CDC123: variants seen among roughly 807,000 people sequenced by gnomAD.
CDC123 encodes the protein cell division cycle 123, also known as translation initiation factor eIF2 assembly protein.
In CDC123, 37 loss-of-function variants were observed where a neutral mutation model predicts 54.4. The ratio of observed to expected loss-of-function variants is 0.68; its 90% CI spans 0.52 to 0.89. CDC123 has a LOEUF of 0.89. Among genes scored for constraint, CDC123 ranks in the 40% least tolerant of loss-of-function variants. The probability of loss-of-function intolerance (pLI) is 0.00; values close to 1 mark genes in which losing one functional copy is unlikely to be tolerated. For missense variants in CDC123, 361 were observed against 412.1 expected, an observed-to-expected ratio of 0.88 and a Z score of 1.07; for synonymous variants, 144 against 136.8, an observed-to-expected ratio of 1.05 and a Z score of -0.37.
At chr10:12,222,155 C>T (rs1314753450) in intron 6 of CDC123, among the ~76,000 whole-genome samples, 1 of 152,234 alleles carries the variant, frequency 6.6e-6, no homozygotes, top group Non-Finnish European at 1.5e-5. Flanking sequence ...CAAATGCTCC[C>T]AGCATCTGAA....
intron 7 of CDC123, among the ~76,000 whole-genome samples, chr10:12,231,625 CAAAAAAAA>C (rs368800002): frequency 1.3e-5 from 1 of 77,288 alleles, no homozygotes; most frequent in African/African-American, 4.9e-5. Context: ...AACTCCGTCT[CAAAAAAAA>C]AAAAAAAAAA....
chr10:12,250,005 A>G (rs1313113884), intron 12 of CDC123: 2 of 488,894 alleles, frequency 4.1e-6, no homozygotes, highest in African/African-American at 2.0e-5. Flanking sequence ...AGAAGGCTGT[A>G]AGGAGAGCAG....
rs1333005097 is a variant in CDC123, at chr10:12,249,567, T to C, written c.847-14T>C. Reference sequence around the variant, plus strand: ...AATGATTGATATTCTTTCTCCTTTTTCTTCTTTGTACAGGATTCCCCAGCT... The same window carrying C: ...AATGATTGATATTCTTTCTCCTTTTCCTTCTTTGTACAGGATTCCCCAGCT... On this transcript the variant is annotated splice_polypyrimidine_tract_variant and intron_variant, in intron 11 of 12. Transcript: ENST00000281141. 1 of 1,602,010 alleles carries C rather than the reference T, an allele frequency of 6.2e-7. No homozygotes were observed. Among genetic ancestry groups the C allele is most frequent in the South Asian group, 1.1e-5 (1 of 88,548 alleles).
intron 4 of CDC123, among the ~76,000 whole-genome samples, chr10:12,213,105 TTTGA>T (rs1319632666): frequency 6.6e-6 from 1 of 152,208 alleles, no homozygotes; most frequent in African/African-American, 2.4e-5. Flanking sequence ...TGTAATAATA[TTTGA>T]TTGAATAGAT....
Position 12,246,155 on chromosome 10 carries a change from G to A in CDC123, c.724G>A (p.Val242Met). Residue 242 changes from valine (V) to methionine (M), a missense_variant, in exon 11 of 13, where the codon GTG becomes ATG. By Grantham distance (21) the Val-to-Met change is conservative. Coordinates refer to ENST00000281141, the MANE Select transcript of CDC123 (RefSeq NM_006023.3). ...FDIYRDSRGK[V>M]WLIDFNPFGE... ...TTCTCTCTCTGTGCTACAGGGGAAG[G>A]TGTGGCTCATTGACTTTAATCCATT... The A allele has an allele frequency of 6.2e-7, 1 of 1,613,944 alleles. No individual in the cohort carries two copies. The highest frequency in any genetic ancestry group is 8.5e-7 in the Non-Finnish European group (1 of 1,179,878).
chr10:12,208,778 T>C (rs530430064), intron 2 of CDC123, among the ~76,000 whole-genome samples: 2 of 152,282 alleles, frequency 1.3e-5, no homozygotes, highest in Admixed American at 1.3e-4. Context: ...GTCTTTTTGC[T>C]TTCTTCTGCT....
chr10:12,222,909 TGAGAC>T (rs1835755898), intron 6 of CDC123, among the ~76,000 whole-genome samples: 1 of 145,840 alleles, frequency 6.9e-6, no homozygotes. Flanking sequence ...TTTTTTTTTT[TGAGAC>T]GGAGTCTCGC....
chr10:12,206,114 T>C (rs1835515952), intron 2 of CDC123, among the ~76,000 whole-genome samples: 1 of 152,232 alleles, frequency 6.6e-6, no homozygotes, highest in African/African-American at 2.4e-5. Flanking sequence ...TTGCATATTT[T>C]TATACATTGT....
At chr10:12,205,714 C>T in intron 2 of CDC123, among the ~76,000 whole-genome samples, 1 of 152,162 alleles carries the variant, frequency 6.6e-6, no homozygotes. Context: ...GAAAATATAG[C>T]ATCCTAAATA....
At chr10:12,205,724 A>G (rs771779669) in intron 2 of CDC123, among the ~76,000 whole-genome samples, 15 of 152,258 alleles carry the variant, frequency 9.9e-5, no homozygotes, top group Admixed American at 7.2e-4. Flanking sequence ...CATCCTAAAT[A>G]TTAGCACCAT....
chr10:12,233,083 T>C (rs548862773), intron 7 of CDC123, among the ~76,000 whole-genome samples: 2 of 152,272 alleles, frequency 1.3e-5, no homozygotes, highest in African/African-American at 2.4e-5. Flanking sequence ...TAAGAAGTCA[T>C]CATCTACCTC....
rs576263771 is a variant in CDC123, at chr10:12,249,625, G to A, written c.891G>A (p.Gln297=). 1 of 1,614,148 alleles carries A rather than the reference G, an allele frequency of 6.2e-7. No homozygotes were observed. The highest frequency in any genetic ancestry group is 1.3e-5 in the African/African-American group (1 of 75,038). The change falls in exon 12 of 13, where the codon CAG becomes CAA. Residue 297 remains glutamine (Q), a synonymous_variant. Coordinates refer to ENST00000281141, the MANE Select transcript of CDC123 (RefSeq NM_006023.3). The part of the protein sequence containing the change: ...FRCTNSEVTV[Q]PSPYLSYRLP... Reference sequence around the variant, plus strand: ...GCACAAACAGTGAAGTGACAGTCCAGCCCAGCCCCTATTTGAGTTACCGGC... The same window carrying A: ...GCACAAACAGTGAAGTGACAGTCCAACCCAGCCCCTATTTGAGTTACCGGC...
chr10:12,217,551 C>T (rs1835679057), intron 6 of CDC123, 84 bp downstream of exon 6: 1 of 1,380,890 alleles, frequency 7.2e-7, no homozygotes, highest in African/African-American at 1.4e-5. Context: ...ACTTATAGTA[C>T]TATTATAAAT....
chr10:12,226,562 T>A (rs1242552171), intron 6 of CDC123, among the ~76,000 whole-genome samples: 1 of 136,854 alleles, frequency 7.3e-6, no homozygotes, highest in Non-Finnish European at 1.5e-5. Flanking sequence ...GCAGAGACAC[T>A]CCTCAGTTCC....
chr10:12,249,346 G>A (rs1205077728), intron 11 of CDC123, among the ~76,000 whole-genome samples: 1 of 152,126 alleles, frequency 6.6e-6, no homozygotes. Context: ...GCTGAAGTGC[G>A]AGGTTCACCT....
At chr10:12,215,679 T>A (rs1835652553) in intron 4 of CDC123, 61 bp from the exon 5 acceptor site, 1 of 898,852 alleles carries the variant, frequency 1.1e-6, no homozygotes, top group Non-Finnish European at 1.7e-6. Flanking sequence ...GATTTTGATC[T>A]TGTTTTATAT....
chr10:12,199,314 T>C (rs1363560111), intron 2 of CDC123, among the ~76,000 whole-genome samples: 1 of 152,198 alleles, frequency 6.6e-6, no homozygotes, highest in Non-Finnish European at 1.5e-5. Flanking sequence ...TTTAGTGAAG[T>C]TCTCATTTTT....
chr10:12,233,494 C>A (rs1481053296), intron 7 of CDC123, among the ~76,000 whole-genome samples: 3 of 152,070 alleles, frequency 2.0e-5, no homozygotes, highest in African/African-American at 7.2e-5. Context: ...ATTACATGCA[C>A]AAAATAGTAT....
chr10:12,218,302 A>G (rs1410438627), intron 6 of CDC123, among the ~76,000 whole-genome samples: 4 of 133,480 alleles, frequency 3.0e-5, no homozygotes, highest in African/African-American at 1.2e-4. Flanking sequence ...GCTGGAGTGC[A>G]GTGGCACGAT....
Sources: gnomAD v4.1 joint callset for allele counts (sites outside exome capture counted in the v4.1 genomes callset) on GRCh38, gnomAD v4.1.1 for gene constraint, MANE v1.5 for transcripts, NCBI Gene and HGNC (gene_info 2026-07-23, HGNC 2026-07-21) for gene names.